Variants in PAM observed in about 807,000 individuals in gnomAD.
The protein encoded by PAM is peptidyl-glycine alpha-amidating monooxygenase.
A neutral mutation model predicts 122.1 loss-of-function variants in PAM; 72 were observed. The observed-to-expected ratio is 0.59, with a 90% CI of 0.49 to 0.72. PAM has a LOEUF of 0.72. Ranked by LOEUF, PAM falls within the 30% of genes least tolerant of loss-of-function variation. PAM has a pLI of 0.00. For missense variants in PAM, 1,106 were observed against 1,183.7 expected (o/e 0.93, Z 0.96); for synonymous variants, 389 against 404.4 (o/e 0.96, Z 0.46).
chr5:102,931,306 C>A (rs1751431792), intron 7 of PAM, among the ~76,000 whole-genome samples: 1 of 152,290 alleles, frequency 6.6e-6, no homozygotes, highest in South Asian at 2.1e-4. Context: ...GTTTCGTGTT[C>A]TCCACAGCAG....
chr5:102,763,691 A>G (rs574829548), intron 1 of PAM, among the ~76,000 whole-genome samples: 1 of 152,292 alleles, frequency 6.6e-6, no homozygotes, highest in East Asian at 1.9e-4. Flanking sequence ...GAGAACTGCC[A>G]TTTGTGCAGA....
chr5:102,783,050 G>GA (rs11329963), intron 1 of PAM, among the ~76,000 whole-genome samples: 3 of 150,882 alleles, frequency 2.0e-5, no homozygotes, highest in Non-Finnish European at 4.4e-5. Flanking sequence ...GGGCAGGAAA[G>GA]AAAAAAAACT....
rs540205672 is a variant in PAM, at chr5:102,928,551, G to C, written c.526+1883G>C. On this transcript the variant is annotated intron_variant, in intron 7 of 25. Coordinates refer to ENST00000438793, the MANE Select transcript of PAM (RefSeq NM_001177306.2). ...TAACTTATTGTAATATTATTAAAAT[G>C]TAAGCAAAAATTTCACTCATGTAAT... Among the ~76,000 whole-genome samples the C allele has an allele frequency of 9.2e-5, 14 of 152,130 alleles. No individual in the cohort carries two copies. In the South Asian group the frequency reaches 2.9e-3, roughly 32 times the overall value.
chr5:102,789,950 A>G (rs1761621012), intron 1 of PAM, among the ~76,000 whole-genome samples: 1 of 152,162 alleles, frequency 6.6e-6, no homozygotes, highest in African/African-American at 2.4e-5. Flanking sequence ...AGTTATCATT[A>G]GACTAAATTT....
At chr5:102,774,763 A>G (rs1175826562) in intron 1 of PAM, among the ~76,000 whole-genome samples, 1 of 152,072 alleles carries the variant, frequency 6.6e-6, no homozygotes, top group Non-Finnish European at 1.5e-5. Context: ...GATATTTTGC[A>G]ATTCATTTTG....
At chr5:102,842,825 T>C (rs1274788210) in intron 1 of PAM, among the ~76,000 whole-genome samples, 1 of 152,188 alleles carries the variant, frequency 6.6e-6, no homozygotes, top group African/African-American at 2.4e-5. Context: ...ACAGTCTGCA[T>C]TGAATAATTT....
intron 1 of PAM, among the ~76,000 whole-genome samples, chr5:102,799,398 A>G (rs2150072561): frequency 6.6e-6 from 1 of 152,302 alleles, no homozygotes; most frequent in South Asian, 2.1e-4. Flanking sequence ...AGGGAGATAC[A>G]AAAAAGGAGC....
At chr5:102,871,751 T>C (rs1392875769) in intron 3 of PAM, among the ~76,000 whole-genome samples, 1 of 147,652 alleles carries the variant, frequency 6.8e-6, no homozygotes, top group African/African-American at 2.5e-5. Context: ...TATATATATG[T>C]ATATTTGAAA....
At chr5:102,816,412 T>C (rs768587395) in intron 1 of PAM, among the ~76,000 whole-genome samples, 1 of 152,128 alleles carries the variant, frequency 6.6e-6, no homozygotes, top group Non-Finnish European at 1.5e-5. Flanking sequence ...AATGCCCCTA[T>C]TTCTTTTCTC....
intron 1 of PAM, among the ~76,000 whole-genome samples, chr5:102,759,243 A>T (rs1751608197): frequency 6.6e-6 from 1 of 152,174 alleles, no homozygotes. Context: ...TCTCATCCTA[A>T]TTGGGTTGGT....
intron 3 of PAM, among the ~76,000 whole-genome samples, chr5:102,888,892 C>G (rs1317593032): frequency 6.6e-6 from 1 of 151,764 alleles, no homozygotes; most frequent in Non-Finnish European, 1.5e-5. Context: ...ACACTTGGCA[C>G]CATTTGAAAT....
At chr5:102,878,357 G>A (rs1174245107) in intron 3 of PAM, among the ~76,000 whole-genome samples, 1 of 152,064 alleles carries the variant, frequency 6.6e-6, no homozygotes, top group Non-Finnish European at 1.5e-5. Flanking sequence ...CAAACTTGCT[G>A]TACTGCCAGT....
chr5:102,869,664 A>G (rs1046738307), intron 3 of PAM, among the ~76,000 whole-genome samples: 1 of 152,198 alleles, frequency 6.6e-6, no homozygotes, highest in Non-Finnish European at 1.5e-5. Context: ...ATGGTAGACT[A>G]TCCATTGAAT....
intron 14 of PAM, among the ~76,000 whole-genome samples, chr5:102,970,795 A>T (rs746120604): frequency 6.9e-4 from 105 of 151,110 alleles, no homozygotes; most frequent in Non-Finnish European, 1.3e-3. Flanking sequence ...CTTTTTTTTT[A>T]ATTTTATTTT....
intron 12 of PAM, among the ~76,000 whole-genome samples, chr5:102,959,647 C>A (rs1761879538): frequency 6.6e-6 from 1 of 152,034 alleles, no homozygotes; most frequent in Non-Finnish European, 1.5e-5. Context: ...TAGTAGTGTT[C>A]ATGGTGTGCC....
chr5:102,987,440 G>A, intron 15 of PAM: 1 of 410,746 alleles, frequency 2.4e-6, no homozygotes, highest in Non-Finnish European at 4.8e-6. Flanking sequence ...CATGTAGAGA[G>A]ATGAAATAAC....
intron 17 of PAM, 102 bp from the exon 18 acceptor site, chr5:103,005,052 A>G: frequency 1.4e-6 from 1 of 691,420 alleles, no homozygotes; most frequent in Non-Finnish European, 2.6e-6. Context: ...ACATTTATCA[A>G]TTTATAACTT....
At chr5:102,811,572 C>T (rs1181298126) in intron 1 of PAM, among the ~76,000 whole-genome samples, 1 of 152,136 alleles carries the variant, frequency 6.6e-6, no homozygotes, top group Non-Finnish European at 1.5e-5. Flanking sequence ...AAAGTCCTTT[C>T]GGCCATGTAA....
chr5:102,790,047 T>A (rs912645453), intron 1 of PAM, among the ~76,000 whole-genome samples: 2 of 152,092 alleles, frequency 1.3e-5, no homozygotes, highest in Admixed American at 1.3e-4. Flanking sequence ...GTACTTCACA[T>A]AATTCTTGGA....
Sources: allele counts gnomAD v4.1 joint callset (sites outside exome capture counted in the v4.1 genomes callset), GRCh38; gene constraint gnomAD v4.1.1; transcripts MANE v1.5; gene names NCBI Gene and HGNC (gene_info 2026-07-23, HGNC 2026-07-21).